The following ENTPD1 variants were observed in gnomAD, a reference collection of about 807,000 sequenced individuals.
ENTPD1 encodes ATP diphosphohydrolase.
In ENTPD1, 33 loss-of-function variants were observed where a neutral mutation model predicts 57.0. That is an observed-to-expected ratio of 0.58 (90% CI 0.44 to 0.77). ENTPD1 has a LOEUF of 0.77. ENTPD1 is among the 30% of genes least tolerant of loss of function. The pLI is 0.00. For missense variants in ENTPD1, 501 were observed against 603.4 expected (o/e 0.83, Z 1.78); for synonymous variants, 202 against 218.8 (o/e 0.92, Z 0.68).
chr10:95,821,720 T>C (rs2098352178), intron 1 of ENTPD1, among the ~76,000 whole-genome samples: 1 of 152,212 alleles, frequency 6.6e-6, no homozygotes, highest in Admixed American at 6.5e-5. Flanking sequence ...TTTGGTCTGA[T>C]GGGTAAAGAC....
intron 1 of ENTPD1, among the ~76,000 whole-genome samples, chr10:95,792,172 G>T (rs775163851): frequency 1.3e-5 from 2 of 152,160 alleles, no homozygotes; most frequent in African/African-American, 4.8e-5. Flanking sequence ...ACCCTGCTTT[G>T]CCTGGGACTG....
Position 95,869,139 on chromosome 10 carries a change from A to C in ENTPD1, c.*2756A>C. Reference sequence around the variant, plus strand: ...CAGGACTCAAAACTTGGTTCTGCTAACCCTGTTCCTTTATGAGGAACCTTT... The same window carrying C: ...CAGGACTCAAAACTTGGTTCTGCTACCCCTGTTCCTTTATGAGGAACCTTT... On this transcript the variant is annotated 3_prime_UTR_variant, in exon 10 of 10. Coordinates refer to ENST00000371205, the MANE Select transcript of ENTPD1 (RefSeq NM_001776.6). 1 of 985,026 alleles carries C rather than the reference A, an allele frequency of 1.0e-6. No homozygotes were observed. Among genetic ancestry groups the C allele is most frequent in the Non-Finnish European group, 1.2e-6 (1 of 829,904 alleles). The allele number at this position is 985,026 out of a possible 1,614,324, so 61.0% of individuals were successfully genotyped here.
In ENTPD1 at chr10:95,847,574, T is replaced by G. The variant is rs762325600; in HGVS notation, c.942T>G (p.Phe314Leu). ...RFEMTLPFQQ[F>L]EIQGIGNYQQ... The stretch of plus-strand genomic sequence containing the variant: ...AGATGACTCTTCCATTCCAGCAGTT[T>G]GAAATCCAGGGTATTGGAAACTATC... The change falls in exon 7 of 10, where the codon TTT becomes TTG. Residue 314 changes from phenylalanine (F) to leucine (L), a missense_variant. Transcript: ENST00000371205. 1 of 1,614,198 alleles carries G rather than the reference T, an allele frequency of 6.2e-7. No homozygotes were observed. Among genetic ancestry groups the G allele is most frequent in the Non-Finnish European group, 8.5e-7 (1 of 1,180,032 alleles).
intron 1 of ENTPD1, among the ~76,000 whole-genome samples, chr10:95,803,496 T>TAG (rs2098259237): frequency 6.6e-6 from 1 of 152,254 alleles, no homozygotes; most frequent in Admixed American, 6.5e-5. Context: ...GTTGGCTGCA[T>TAG]AGATGTCCTC....
At chr10:95,847,265 C>A in intron 6 of ENTPD1, 181 bp from the exon 7 acceptor site, 1 of 687,910 alleles carries the variant, frequency 1.5e-6, no homozygotes, top group Non-Finnish European at 2.5e-6. Context: ...ACTTCTGGTG[C>A]CTGTTACACA....
chr10:95,793,039 G>A (rs2098211945), intron 1 of ENTPD1, among the ~76,000 whole-genome samples: 1 of 152,120 alleles, frequency 6.6e-6, no homozygotes, highest in Admixed American at 6.5e-5. Flanking sequence ...TTACGTCATT[G>A]CTTCCTCCCA....
upstream of ENTPD1, chr10:95,754,566 A>G (rs1163803312): frequency 1.3e-5 from 2 of 152,224 alleles, no homozygotes. Flanking sequence ...CTCCAAAACA[A>G]TAGTACAAAG....
intron 2 of ENTPD1, among the ~76,000 whole-genome samples, chr10:95,824,374 C>T (rs1412009173): frequency 6.6e-6 from 1 of 152,216 alleles, no homozygotes; most frequent in Non-Finnish European, 1.5e-5. Flanking sequence ...TGCCAGGCCT[C>T]TGAAACTTTT....
Position 95,872,407 on chromosome 10 carries a change from G to A in ENTPD1, c.*6024G>A, listed in dbSNP as rs993051584. The A allele has an allele frequency of 1.0e-6, 1 of 985,388 alleles. No individual in the cohort carries two copies. The allele number at this position is 985,388 out of a possible 1,614,324, so 61.0% of individuals were successfully genotyped here. A position where few individuals can be genotyped will look rare whatever the true frequency, so the allele number is the denominator to read the frequency against. On this transcript the variant is annotated 3_prime_UTR_variant, in exon 10 of 10. Transcript: ENST00000371205. ...ACTACACTATACTACACTACAGCCAGGTAGAATGACTGTTCACCCAACACC... is the reference window on the plus strand; with the variant it reads ...ACTACACTATACTACACTACAGCCAAGTAGAATGACTGTTCACCCAACACC...
chr10:95,849,209 A>G (rs961553890), intron 7 of ENTPD1, among the ~76,000 whole-genome samples: 1 of 152,148 alleles, frequency 6.6e-6, no homozygotes, highest in Non-Finnish European at 1.5e-5. Flanking sequence ...CTCTTAATTG[A>G]CTCAGTCTTC....
intron 7 of ENTPD1, among the ~76,000 whole-genome samples, chr10:95,859,508 C>A (rs1034271398): frequency 6.6e-6 from 1 of 152,214 alleles, no homozygotes; most frequent in Admixed American, 6.5e-5. Flanking sequence ...AGCACAGTGT[C>A]TAGCAAACAG....
chr10:95,846,696 C>CT (rs1280804142), intron 6 of ENTPD1, among the ~76,000 whole-genome samples: 2 of 151,848 alleles, frequency 1.3e-5, no homozygotes, highest in African/African-American at 4.8e-5. Flanking sequence ...TTAGAAATTA[C>CT]TTTTTTTTGG....
At chr10:95,694,981 A>G in the ENTPD1 span, among the ~76,000 whole-genome samples, 2 of 147,150 alleles carry the variant, frequency 1.4e-5, no homozygotes, top group African/African-American at 5.1e-5. Flanking sequence ...GCTCACTGCA[A>G]CCTCTGCCTC....
intron 1 of ENTPD1, among the ~76,000 whole-genome samples, chr10:95,719,986 G>T (rs951655654): frequency 6.6e-6 from 1 of 152,174 alleles, no homozygotes; most frequent in African/African-American, 2.4e-5. Context: ...AGGTACAGCT[G>T]GGTATGGAGG....
At chr10:95,744,893 C>G (rs533136311) in intron 1 of ENTPD1, among the ~76,000 whole-genome samples, 64 of 152,064 alleles carry the variant, frequency 4.2e-4, no homozygotes, top group South Asian at 1.2e-3. Flanking sequence ...TGAAAATATC[C>G]CCTCTGCTTT....
At chr10:95,743,997 C>CAT (rs57187898) in intron 1 of ENTPD1, among the ~76,000 whole-genome samples, 5,785 of 80,334 alleles carry the variant, frequency 0.072, 349 homozygotes, top group East Asian at 0.09. Context: ...TATTTTAAAC[C>CAT]ATATATATAT....
chr10:95,844,222 T>C (rs1441346432), intron 4 of ENTPD1, among the ~76,000 whole-genome samples: 1 of 152,162 alleles, frequency 6.6e-6, no homozygotes, highest in Non-Finnish European at 1.5e-5. Context: ...ACAAAAGTGG[T>C]ATTTTAAGGA....
chr10:95,736,168 T>C (rs2097994513), intron 1 of ENTPD1, among the ~76,000 whole-genome samples: 1 of 151,998 alleles, frequency 6.6e-6, no homozygotes, highest in Non-Finnish European at 1.5e-5. Flanking sequence ...GCTAGGCTAA[T>C]TTTTGTATTT....
intron 2 of ENTPD1, among the ~76,000 whole-genome samples, chr10:95,827,350 G>A (rs972364231): frequency 6.6e-6 from 1 of 152,012 alleles, no homozygotes; most frequent in Non-Finnish European, 1.5e-5. Context: ...AACTACTTGG[G>A]AGGCTGAGGC....
Sources: gnomAD v4.1 joint callset for allele counts (sites outside exome capture counted in the v4.1 genomes callset) on GRCh38, gnomAD v4.1.1 for gene constraint, MANE v1.5 for transcripts, NCBI Gene and HGNC (gene_info 2026-07-23, HGNC 2026-07-21) for gene names.